SOX6: variants seen among roughly 807,000 people sequenced by gnomAD.
SOX6 encodes the protein transcription factor SOX-6.
A neutral mutation model predicts 97.8 loss-of-function variants in SOX6; 11 were observed. The observed-to-expected ratio is 0.11, with a 90% CI of 0.07 to 0.19. SOX6 has a LOEUF of 0.19. SOX6 is among the 10% of genes least tolerant of loss of function. The probability of loss-of-function intolerance (pLI) is 1.00; values close to 1 mark genes in which losing one functional copy is unlikely to be tolerated. For missense variants in SOX6, 810 were observed against 1,039.5 expected, an observed-to-expected ratio of 0.78 and a Z score of 3.04; for synonymous variants, 360 against 371.4, an observed-to-expected ratio of 0.97 and a Z score of 0.35.
At chr11:16,524,327 C>G (rs1239159219) in intron 4 of SOX6, among the ~76,000 whole-genome samples, 1 of 151,130 alleles carries the variant, frequency 6.6e-6, no homozygotes, top group Non-Finnish European at 1.5e-5. Flanking sequence ...GTTCAATATA[C>G]GCAAATCAAT....
intron 9 of SOX6, among the ~76,000 whole-genome samples, chr11:16,075,329 C>T (rs1300797134): frequency 6.6e-6 from 1 of 152,174 alleles, no homozygotes; most frequent in Non-Finnish European, 1.5e-5. Flanking sequence ...GCACATCTTA[C>T]ATAGTGGCAG....
intron 6 of SOX6, among the ~76,000 whole-genome samples, chr11:16,135,312 C>A (rs777463492): frequency 6.6e-6 from 1 of 152,158 alleles, no homozygotes; most frequent in Non-Finnish European, 1.5e-5. Flanking sequence ...ATAATTTCAA[C>A]TTTCATAACA....
At chr11:16,245,784 C>T (rs1853317581) in intron 3 of SOX6, among the ~76,000 whole-genome samples, 1 of 151,384 alleles carries the variant, frequency 6.6e-6, no homozygotes, top group African/African-American at 2.4e-5. Context: ...TTTCATGGTA[C>T]ATCTTCAAAA....
At chr11:16,352,942 A>C (rs1273103201) in intron 1 of SOX6, among the ~76,000 whole-genome samples, 4 of 152,086 alleles carry the variant, frequency 2.6e-5, no homozygotes, top group Admixed American at 2.6e-4. Context: ...CTGACACACA[A>C]GGCTGAGAGG....
At chr11:16,629,065 C>G (rs928981789) in intron 3 of SOX6, among the ~76,000 whole-genome samples, 2 of 152,136 alleles carry the variant, frequency 1.3e-5, no homozygotes, top group Non-Finnish European at 2.9e-5. Context: ...TTCTTCTTTT[C>G]CTATTTGGTT....
At chr11:15,977,585 C>A (rs1222041995) in intron 15 of SOX6, among the ~76,000 whole-genome samples, 1 of 151,852 alleles carries the variant, frequency 6.6e-6, no homozygotes, top group Non-Finnish European at 1.5e-5. Flanking sequence ...CCCTTGCAGA[C>A]ACTCTCCATT....
intron 3 of SOX6, among the ~76,000 whole-genome samples, chr11:16,290,151 T>C (rs1854871048): frequency 6.6e-6 from 1 of 151,940 alleles, no homozygotes; most frequent in Non-Finnish European, 1.5e-5. Flanking sequence ...AGAAAGTGTC[T>C]TCCTCTAGGG....
At chr11:16,202,255 G>T (rs1851960806) in intron 4 of SOX6, among the ~76,000 whole-genome samples, 1 of 152,084 alleles carries the variant, frequency 6.6e-6, no homozygotes, top group African/African-American at 2.4e-5. Flanking sequence ...ATTTGCTTCT[G>T]AAGATTCTAA....
chr11:16,058,030 G>A (rs1017984863), intron 9 of SOX6, among the ~76,000 whole-genome samples: 1 of 151,760 alleles, frequency 6.6e-6, no homozygotes, highest in Non-Finnish European at 1.5e-5. Context: ...TTGTATTCTA[G>A]GAAACTTTTT....
At chr11:16,452,062 G>A (rs1859729345) in intron 1 of SOX6, among the ~76,000 whole-genome samples, 1 of 152,038 alleles carries the variant, frequency 6.6e-6, no homozygotes, top group Non-Finnish European at 1.5e-5. Context: ...TGTTTGTGAT[G>A]AGGCAAAGTA....
intron 3 of SOX6, among the ~76,000 whole-genome samples, chr11:16,692,050 C>T (rs1007809867): frequency 1.4e-4 from 17 of 124,666 alleles, no homozygotes; most frequent in Non-Finnish European, 2.5e-4. Context: ...TTTTGATTTG[C>T]GTGTGCGTGT....
Position 16,049,791 on chromosome 11 carries a change from G to A in SOX6, c.1399C>T (p.Pro467Ser), listed in dbSNP as rs1348652747. Residue 467 changes from proline (P) to serine (S), a missense_variant, in exon 11 of 16, where the codon CCC becomes TCC. Pro to Ser is a moderately conservative substitution (Grantham distance 74). This residue lies in a region of SOX6 where 244 missense variants were observed against 261.0 expected (regional missense o/e 0.93). Coordinates refer to ENST00000683767, the MANE Select transcript of SOX6 (RefSeq NM_001367873.1). ...NLPNKSSIPS[P>S]IGGSLGRGSS... ...CCTCTTCCCAGGCTTCCTCCAATGG[G>A]GCTAGGGATGCTGCTTTTGTTTGGC... 1 of 1,613,410 alleles carries A rather than the reference G, an allele frequency of 6.2e-7. No individual in the cohort carries two copies. Among genetic ancestry groups the A allele is most frequent in the African/African-American group, 1.3e-5 (1 of 74,792 alleles).
chr11:16,340,012 T>C (rs1856582128), intron 2 of SOX6, among the ~76,000 whole-genome samples: 1 of 152,080 alleles, frequency 6.6e-6, no homozygotes, highest in South Asian at 2.1e-4. Context: ...TCACCTACTG[T>C]TTCAGAGCAT....
At chr11:16,276,334 T>C (rs917310383) in intron 3 of SOX6, among the ~76,000 whole-genome samples, 6 of 152,158 alleles carry the variant, frequency 3.9e-5, no homozygotes, top group Admixed American at 3.3e-4. Flanking sequence ...AGAGACTAGG[T>C]TGGCAATGAA....
At chr11:16,353,939 C>T (rs1590151857) in intron 1 of SOX6, among the ~76,000 whole-genome samples, 2 of 152,012 alleles carry the variant, frequency 1.3e-5, no homozygotes, top group African/African-American at 2.4e-5. Context: ...AAAACTTTTA[C>T]ATTTATCATG....
chr11:16,287,499 C>G (rs1854788967), intron 3 of SOX6, among the ~76,000 whole-genome samples: 1 of 152,060 alleles, frequency 6.6e-6, no homozygotes. Flanking sequence ...GGACACTGTG[C>G]TTACCATGTT....
intron 1 of SOX6, among the ~76,000 whole-genome samples, chr11:16,446,047 G>C (rs1385985371): frequency 2.0e-5 from 3 of 152,038 alleles, no homozygotes; most frequent in Non-Finnish European, 4.4e-5. Flanking sequence ...ATGCAAAAAG[G>C]CAGAATAGAC....
chr11:16,455,788 C>G (rs966997611), intron 1 of SOX6, among the ~76,000 whole-genome samples: 9 of 152,014 alleles, frequency 5.9e-5, no homozygotes, highest in Non-Finnish European at 1.3e-4. Context: ...TATAAAATAA[C>G]TTTAAGTCCT....
intron 4 of SOX6, among the ~76,000 whole-genome samples, chr11:16,532,478 T>C (rs755853320): frequency 4.6e-5 from 7 of 151,956 alleles, no homozygotes; most frequent in Non-Finnish European, 1.0e-4. Flanking sequence ...TATACAATTA[T>C]ATCTCATAGT....
Sources: allele counts gnomAD v4.1 joint callset (sites outside exome capture counted in the v4.1 genomes callset), GRCh38; gene constraint gnomAD v4.1.1; regional missense constraint gnomAD v4.1.1; transcripts MANE v1.5; gene names NCBI Gene and HGNC (gene_info 2026-07-23, HGNC 2026-07-21).